The following CDK19 variants were observed in gnomAD, a reference collection of about 807,000 sequenced individuals.
CDK19 encodes the protein cyclin-dependent kinase 19.
A neutral mutation model predicts 68.3 loss-of-function variants in CDK19; 20 were observed. That is an observed-to-expected ratio of 0.29 (90% CI 0.21 to 0.43). CDK19 has a LOEUF of 0.43. Among genes scored for constraint, CDK19 ranks in the 20% least tolerant of loss-of-function variants. CDK19 has a pLI of 1.00. For missense variants in CDK19, 339 were observed against 623.5 expected (o/e 0.54, Z 4.86); for synonymous variants, 221 against 222.8 (o/e 0.99, Z 0.07).
chr6:110,689,228 C>T (rs919558663), intron 2 of CDK19, among the ~76,000 whole-genome samples: 3 of 152,122 alleles, frequency 2.0e-5, no homozygotes, highest in Non-Finnish European at 4.4e-5. Flanking sequence ...CACCTCCTGA[C>T]TCCCACAGAG....
intron 2 of CDK19, among the ~76,000 whole-genome samples, chr6:110,681,594 C>T (rs1772021265): frequency 6.6e-6 from 1 of 152,146 alleles, no homozygotes; most frequent in African/African-American, 2.4e-5. Flanking sequence ...TGAGAAGGGA[C>T]ACAGTGAAAG....
intron 1 of CDK19, among the ~76,000 whole-genome samples, chr6:110,760,365 C>A (rs1779146344): frequency 7.1e-6 from 1 of 140,912 alleles, no homozygotes; most frequent in African/African-American, 2.6e-5. Flanking sequence ...CCACTGCATT[C>A]CAGCCTGGGC....
At chr6:110,639,579 AT>A (rs1215970533) in intron 4 of CDK19, among the ~76,000 whole-genome samples, 2 of 152,220 alleles carry the variant, frequency 1.3e-5, no homozygotes, top group African/African-American at 4.8e-5. Flanking sequence ...ACTAAGAAGG[AT>A]TGTATAATAT....
At chr6:110,660,770 C>T (rs900438589) in intron 4 of CDK19, among the ~76,000 whole-genome samples, 2 of 152,194 alleles carry the variant, frequency 1.3e-5, no homozygotes, top group Admixed American at 6.5e-5. Context: ...TCCTCTCTGC[C>T]GGCTGAGCCT....
intron 4 of CDK19, among the ~76,000 whole-genome samples, chr6:110,641,273 C>A (rs1244950968): frequency 6.6e-6 from 1 of 151,804 alleles, no homozygotes; most frequent in Non-Finnish European, 1.5e-5. Flanking sequence ...AGCTTAAATC[C>A]AGGAGGAAAA....
chr6:110,655,025 G>A (rs1186029291), intron 4 of CDK19, among the ~76,000 whole-genome samples: 1 of 151,874 alleles, frequency 6.6e-6, no homozygotes, highest in Non-Finnish European at 1.5e-5. Context: ...GCTCACTTCT[G>A]AATAACGGTT....
At chr6:110,806,318 C>T (rs1782679653) in intron 1 of CDK19, among the ~76,000 whole-genome samples, 1 of 144,438 alleles carries the variant, frequency 6.9e-6, no homozygotes, top group Non-Finnish European at 1.5e-5. Flanking sequence ...ACAGCCTGGG[C>T]AAGAAGAGCG....
intron 1 of CDK19, among the ~76,000 whole-genome samples, chr6:110,756,545 C>T (rs1452507841): frequency 6.6e-6 from 1 of 150,384 alleles, no homozygotes; most frequent in Non-Finnish European, 1.5e-5. Flanking sequence ...CTGGGCAAGA[C>T]CCTGTCTTAA....
intron 1 of CDK19, among the ~76,000 whole-genome samples, chr6:110,782,839 G>A (rs1015991787): frequency 6.6e-6 from 1 of 152,088 alleles, no homozygotes; most frequent in Non-Finnish European, 1.5e-5. Context: ...TCCATCCTGA[G>A]TATTTGCTCT....
chr6:110,640,631 A>C (rs1399836879), intron 4 of CDK19, among the ~76,000 whole-genome samples: 1 of 152,174 alleles, frequency 6.6e-6, no homozygotes, highest in Non-Finnish European at 1.5e-5. Context: ...AATAAGGAAC[A>C]ATAAAGAGAA....
chr6:110,691,473 CA>C (rs1030873275), intron 2 of CDK19, among the ~76,000 whole-genome samples: 43 of 137,370 alleles, frequency 3.1e-4, no homozygotes, highest in Admixed American at 4.4e-4. Context: ...GACTCCGTCT[CA>C]AAAAAAAAAA....
chr6:110,773,089 T>A (rs1327166092), intron 1 of CDK19, among the ~76,000 whole-genome samples: 1 of 151,596 alleles, frequency 6.6e-6, no homozygotes, highest in Non-Finnish European at 1.5e-5. Context: ...AAACATATTT[T>A]ACAAGTGTGT....
chr6:110,763,414 G>GTT (rs1171650120), intron 1 of CDK19, among the ~76,000 whole-genome samples: 113 of 119,992 alleles, frequency 9.4e-4, no homozygotes, highest in African/African-American at 1.3e-3. Context: ...CTCTTATTAT[G>GTT]TTTTTTTTTT....
chr6:110,655,665 T>C (rs1328606798), intron 4 of CDK19, among the ~76,000 whole-genome samples: 1 of 152,120 alleles, frequency 6.6e-6, no homozygotes, highest in Non-Finnish European at 1.5e-5. Flanking sequence ...ACTTACATCC[T>C]ACATTTTTGT....
chr6:110,651,285 T>C (rs1780954963), intron 4 of CDK19, among the ~76,000 whole-genome samples: 1 of 148,558 alleles, frequency 6.7e-6, no homozygotes, highest in Admixed American at 6.7e-5. Flanking sequence ...CCTATTTATG[T>C]ATCTGTCTGT....
intron 2 of CDK19, among the ~76,000 whole-genome samples, chr6:110,691,170 T>C (rs1258031758): frequency 1.3e-5 from 2 of 152,074 alleles, no homozygotes; most frequent in East Asian, 1.9e-4. Flanking sequence ...TTCTAAGAGA[T>C]AGACATCTTA....
intron 2 of CDK19, among the ~76,000 whole-genome samples, chr6:110,743,758 C>A (rs1372418636): frequency 6.6e-6 from 1 of 152,084 alleles, no homozygotes; most frequent in Non-Finnish European, 1.5e-5. Context: ...ATAGAAGTCT[C>A]TGTTTCAAAA....
At chr6:110,691,700 T>A (rs1773005982) in intron 2 of CDK19, among the ~76,000 whole-genome samples, 1 of 151,024 alleles carries the variant, frequency 6.6e-6, no homozygotes, top group Non-Finnish European at 1.5e-5. Context: ...CAGGTTGGAG[T>A]ACAATGGCAT....
Position 110,697,628 on chromosome 6 carries a change from G to A in CDK19, c.205-27087C>T, listed in dbSNP as rs377692231. Among the ~76,000 whole-genome samples the A allele has an allele frequency of 1.9e-4, 29 of 151,018 alleles. 1 individual carries two copies. Among genetic ancestry groups the A allele is most frequent in the South Asian group, 4.2e-4 (2 of 4,800 alleles). On this transcript the variant is annotated intron_variant, in intron 2 of 12. Transcript: ENST00000368911. ...TCAATGCAATTCCCATGAAAATACC[G>A]TCATCATTCTTCACAGAACTAAAAA...
Sources: allele counts gnomAD v4.1 joint callset (sites outside exome capture counted in the v4.1 genomes callset), GRCh38; gene constraint gnomAD v4.1.1; transcripts MANE v1.5; gene names NCBI Gene and HGNC (gene_info 2026-07-23, HGNC 2026-07-21).